Variants in POLR2D observed in about 807,000 individuals in gnomAD.
POLR2D encodes the protein RNA polymerase II subunit D.
In POLR2D, 10 loss-of-function variants were observed where a neutral mutation model predicts 17.6. The observed-to-expected ratio is 0.57, with a 90% CI of 0.35 to 0.96. The LOEUF is 0.96. POLR2D is among the 40% of genes least tolerant of loss of function. The probability of loss-of-function intolerance (pLI) is 0.02; values close to 1 mark genes in which losing one functional copy is unlikely to be tolerated. For missense variants in POLR2D, 126 were observed against 176.4 expected (o/e 0.71, Z 1.62); for synonymous variants, 52 against 60.2 (o/e 0.86, Z 0.63).
intron 2 of POLR2D, 40 bp from the exon 3 acceptor site, chr2:127,850,725 A>C: frequency 1.0e-6 from 1 of 954,448 alleles, no homozygotes; most frequent in Non-Finnish European, 1.7e-6. Context: ...ATAATCAAAA[A>C]CAAATAAACA....
chr2:127,855,542 A>C (rs987796996), intron 1 of POLR2D, among the ~76,000 whole-genome samples: 1 of 152,160 alleles, frequency 6.6e-6, no homozygotes, highest in Non-Finnish European at 1.5e-5. Context: ...CCCAAGTACT[A>C]CTAATACATT....
chr2:127,854,363 T>G (rs139096501), intron 1 of POLR2D, among the ~76,000 whole-genome samples: 141 of 152,354 alleles, frequency 9.3e-4, no homozygotes, highest in African/African-American at 3.1e-3. Context: ...CTCTTAACAG[T>G]GAGTTCCCTT....
At chr2:127,848,209 A>G in intron 3 of POLR2D, 24 bp from the exon 4 acceptor site, 1 of 1,551,184 alleles carries the variant, frequency 6.4e-7, no homozygotes, top group Non-Finnish European at 8.9e-7. Flanking sequence ...AAAAGAAATG[A>G]GTGATTTGGC....
chr2:127,854,053 A>T (rs1278112143), intron 1 of POLR2D, among the ~76,000 whole-genome samples: 1 of 152,168 alleles, frequency 6.6e-6, no homozygotes, highest in Non-Finnish European at 1.5e-5. Context: ...TTATACTCTC[A>T]ATTTTAAGAA....
In POLR2D at chr2:127,845,950, A is replaced by C. The variant is rs1029079231; in HGVS notation, c.*2157T>G. On this transcript the variant is annotated 3_prime_UTR_variant, in exon 4 of 4. Transcript: ENST00000272645. ...TTGAGAACACCAATGAGGCTCAAAG[A>C]AGCGAAGTTGCTCAAGGATAAAAAG... The C allele has an allele frequency of 6.6e-6, 1 of 152,220 alleles. No homozygotes were observed. The highest frequency in any genetic ancestry group is 2.4e-5 in the African/African-American group (1 of 41,452). 9.4% of individuals were successfully genotyped at this position (152,220 alleles called of 1,614,324 possible).
Position 127,858,073 on chromosome 2 carries a change from C to A in POLR2D, c.28G>T (p.Ala10Ser). 6.5e-7 allele frequency: 1 copy of A among 1,544,294 alleles called. No individual in the cohort carries two copies. Among genetic ancestry groups the A allele is most frequent in the Non-Finnish European group, 8.7e-7 (1 of 1,148,826 alleles). Reference protein sequence around the residue: MAAGGSDPRAGDVEEDASQL... With the variant: MAAGGSDPRSGDVEEDASQL... ...GAGGCGTCCTCCTCTACGTCGCCAG[C>A]CCGCGGATCGCTGCCACCCGCCGCC... is the stretch of plus-strand genomic sequence containing the variant. The change falls in exon 1 of 4, where the codon GCT becomes TCT. Residue 10 changes from alanine (A) to serine (S), a missense_variant. Physicochemically the swap from Ala to Ser is moderately conservative, Grantham distance 99. Coordinates refer to ENST00000272645, the MANE Select transcript of POLR2D (RefSeq NM_004805.4).
intron 1 of POLR2D, among the ~76,000 whole-genome samples, chr2:127,856,290 C>A (rs1461825205): frequency 1.3e-3 from 33 of 25,398 alleles, no homozygotes; most frequent in African/African-American, 2.1e-3. Context: ...GATCCCGTCT[C>A]AAAAAAAAAA....
intron 1 of POLR2D, 139 bp from the exon 2 acceptor site, chr2:127,853,244 CTTTTA>C (rs1207767949): frequency 1.5e-6 from 1 of 681,350 alleles, no homozygotes; most frequent in East Asian, 2.7e-5. Context: ...TTTTTTTGAA[CTTTTA>C]TTTTAGGTTC....
In POLR2D at chr2:127,858,131, G is replaced by A. The variant is rs982781989; in HGVS notation, c.-31C>T. The stretch of plus-strand genomic sequence containing the variant: ...CGCCGCGCCGCGCGCCACCACCAGC[G>A]CCGCCGGAAGCAGAAGCGCGGAGCA... On this transcript the variant is annotated 5_prime_UTR_variant, in exon 1 of 4. Transcript: ENST00000272645. 5 of 1,420,354 alleles carry A rather than the reference G, an allele frequency of 3.5e-6. No homozygotes were observed. The highest frequency in any genetic ancestry group is 3.0e-5 in the East Asian group (1 of 33,342). The allele number at this position is 1,420,354 out of a possible 1,614,324, so 88.0% of individuals were successfully genotyped here.
rs1323274879 is a variant in POLR2D, at chr2:127,845,376, T to C, written c.*2731A>G. 2.9e-5 allele frequency: 3 copies of C among 105,074 alleles called. No homozygotes were observed. Among genetic ancestry groups the C allele is most frequent in the African/African-American group, 1.1e-4 (3 of 27,490 alleles). 6.5% of individuals were successfully genotyped at this position (105,074 alleles called of 1,614,324 possible). A position where few individuals can be genotyped will look rare whatever the true frequency, so the allele number is the denominator to read the frequency against. On this transcript the variant is annotated 3_prime_UTR_variant, in exon 4 of 4. Coordinates refer to ENST00000272645, the MANE Select transcript of POLR2D (RefSeq NM_004805.4). ...TAGATTTGGGTAAGCAATTTCACTTTTTTTTTTTTTTTTTTTTTGAGACAG... is the reference window on the plus strand; with the variant it reads ...TAGATTTGGGTAAGCAATTTCACTTCTTTTTTTTTTTTTTTTTTGAGACAG...
chr2:127,849,383 C>T (rs908830133), intron 3 of POLR2D, among the ~76,000 whole-genome samples: 3 of 152,114 alleles, frequency 2.0e-5, no homozygotes, highest in African/African-American at 4.8e-5. Flanking sequence ...GCTGTGTATA[C>T]TCTCCTAGAC....
chr2:127,844,166 T>C lies in POLR2D; in HGVS notation c.*3941A>G, dbSNP rs1690113440. 4 of 143,842 alleles carry C rather than the reference T, an allele frequency of 2.8e-5. No individual in the cohort carries two copies. Among genetic ancestry groups the C allele is most frequent in the African/African-American group, 1.0e-4 (4 of 38,772 alleles). 8.9% of individuals were successfully genotyped at this position (143,842 alleles called of 1,614,324 possible). A position where few individuals can be genotyped will look rare whatever the true frequency, so the allele number is the denominator to read the frequency against. ...TCCCTTCTACCATAAGGAGTGTTCATTCCCTATGGAAGATGCAGAAAAAAA... is the reference window on the plus strand; with the variant it reads ...TCCCTTCTACCATAAGGAGTGTTCACTCCCTATGGAAGATGCAGAAAAAAA... On this transcript the variant is annotated 3_prime_UTR_variant, in exon 4 of 4. Coordinates refer to ENST00000272645, the MANE Select transcript of POLR2D (RefSeq NM_004805.4).
chr2:127,856,724 G>C (rs900229645), intron 1 of POLR2D, among the ~76,000 whole-genome samples: 1 of 151,938 alleles, frequency 6.6e-6, no homozygotes, highest in Non-Finnish European at 1.5e-5. Context: ...TTAGAGGGTA[G>C]TATTTCCGTT....
In POLR2D at chr2:127,844,874, G is replaced by C. The variant is rs898111370; in HGVS notation, c.*3233C>G. On this transcript the variant is annotated 3_prime_UTR_variant, in exon 4 of 4. Coordinates refer to ENST00000272645, the MANE Select transcript of POLR2D (RefSeq NM_004805.4). ...TCACAACGTTGGCCAGGCTGGTCTCGAACTTCTGACCTCTGGTGATCCACC... is the reference window on the plus strand; with the variant it reads ...TCACAACGTTGGCCAGGCTGGTCTCCAACTTCTGACCTCTGGTGATCCACC... 6.6e-6 allele frequency: 1 copy of C among 152,102 alleles called. No individual in the cohort carries two copies. The highest frequency in any genetic ancestry group is 1.5e-5 in the Non-Finnish European group (1 of 68,052). The allele number at this position is 152,102 out of a possible 1,614,324, so 9.4% of individuals were successfully genotyped here.
In POLR2D at chr2:127,858,126, C is replaced by A. The variant is rs1690374233; in HGVS notation, c.-26G>T. The A allele has an allele frequency of 6.9e-6, 10 of 1,439,218 alleles. No homozygotes were observed. In the East Asian group the frequency reaches 3.0e-4, roughly 43 times the overall value. 89.2% of individuals were successfully genotyped at this position (1,439,218 alleles called of 1,614,324 possible). ...CGCCGCGCCGCGCCGCGCGCCACCACCAGCGCCGCCGGAAGCAGAAGCGCG... is the reference window on the plus strand; with the variant it reads ...CGCCGCGCCGCGCCGCGCGCCACCAACAGCGCCGCCGGAAGCAGAAGCGCG... On this transcript the variant is annotated 5_prime_UTR_variant, in exon 1 of 4. Transcript: ENST00000272645.
rs957480747 is a variant in POLR2D, at chr2:127,847,017, G to C, written c.*1090C>G. On this transcript the variant is annotated 3_prime_UTR_variant, in exon 4 of 4. Transcript: ENST00000272645. ...ACAACCACAGTTCATACAGCAAATG[G>C]GCTGCAGTGAACAGTGCACACCTGG... is the stretch of plus-strand genomic sequence containing the variant. 7.9e-5 allele frequency: 12 copies of C among 152,624 alleles called. No individual in the cohort carries two copies. The highest frequency in any genetic ancestry group is 2.9e-4 in the African/African-American group (12 of 41,414). 9.5% of individuals were successfully genotyped at this position (152,624 alleles called of 1,614,324 possible).
At chr2:127,848,929 G>C (rs1558980989) in intron 3 of POLR2D, among the ~76,000 whole-genome samples, 1 of 152,070 alleles carries the variant, frequency 6.6e-6, no homozygotes, top group Non-Finnish European at 1.5e-5. Context: ...CAAAGTGCTG[G>C]GATTACAGGC....
At chr2:127,848,236 G>T in intron 3 of POLR2D, 51 bp from the exon 4 acceptor site, 1 of 1,210,134 alleles carries the variant, frequency 8.3e-7, no homozygotes, top group African/African-American at 1.5e-5. Flanking sequence ...CAATTTCCCC[G>T]CACTCTTCTT....
chr2:127,852,783 T>A lies in POLR2D; in HGVS notation c.254+142A>T. ...GATCTGCTGCCTCAACCTTCCAAAG[T>A]GCTGGGTGTGAGCCACCATGCCCAG... On this transcript the variant is annotated intron_variant, in intron 2 of 3. Transcript: ENST00000272645. This position sits in a 1 kb window ranked among gnomAD's most constrained non-coding sequence, Gnocchi z 4.0. 1.5e-6 allele frequency: 1 copy of A among 669,860 alleles called. No homozygotes were observed. Among genetic ancestry groups the A allele is most frequent in the Non-Finnish European group, 2.6e-6 (1 of 379,956 alleles). 41.5% of individuals were successfully genotyped at this position (669,860 alleles called of 1,614,324 possible). A position where few individuals can be genotyped will look rare whatever the true frequency, so the allele number is the denominator to read the frequency against.
Sources: gnomAD v4.1 joint callset for allele counts (sites outside exome capture counted in the v4.1 genomes callset) on GRCh38, gnomAD v4.1.1 for gene constraint, Gnocchi (gnomAD v3.1) non-coding constraint, MANE v1.5 for transcripts, NCBI Gene and HGNC (gene_info 2026-07-23, HGNC 2026-07-21) for gene names.